Variants in ARHGAP26 observed in about 807,000 individuals in gnomAD.
ARHGAP26 encodes the protein rho GTPase-activating protein 26.
A neutral mutation model predicts 104.8 loss-of-function variants in ARHGAP26; 38 were observed. That is an observed-to-expected ratio of 0.36 (90% confidence interval 0.28 to 0.48). The LOEUF (loss-of-function observed/expected upper bound fraction) is 0.48, where lower values mean the gene tolerates loss of function less well. Among genes scored for constraint, ARHGAP26 ranks in the 20% least tolerant of loss-of-function variants. The pLI, the probability that ARHGAP26 is intolerant of heterozygous loss-of-function variation, is 0.99. For missense variants in ARHGAP26, 704 were observed against 947.9 expected, an observed-to-expected ratio of 0.74 and a Z score of 3.38; for synonymous variants, 341 against 340.0, an observed-to-expected ratio of 1.00 and a Z score of -0.03.
At chr5:143,207,847 G>A (rs1337904013) in intron 21 of ARHGAP26, among the ~76,000 whole-genome samples, 1 of 152,242 alleles carries the variant, frequency 6.6e-6, no homozygotes, top group Non-Finnish European at 1.5e-5. Context: ...TTATTTGTGG[G>A]GTTGGGCCCC....
chr5:142,845,286 C>A (rs982391315), intron 1 of ARHGAP26, among the ~76,000 whole-genome samples: 1 of 152,130 alleles, frequency 6.6e-6, no homozygotes, highest in Non-Finnish European at 1.5e-5. Flanking sequence ...GGTTTGCATT[C>A]ATTATTTCTC....
intron 11 of ARHGAP26, among the ~76,000 whole-genome samples, chr5:142,977,597 C>CTG (rs202112689): frequency 0.011 from 1,723 of 152,246 alleles, 33 homozygotes; most frequent in African/African-American, 0.04. Context: ...GCGTTGAACT[C>CTG]AGCAGTTTCC....
intron 20 of ARHGAP26, chr5:143,172,926 TA>T (rs1486003090): frequency 8.4e-5 from 15 of 177,860 alleles, no homozygotes; most frequent in African/African-American, 3.3e-4. Context: ...GATCATGTTT[TA>T]TTGAGGCTGA....
In ARHGAP26 at chr5:143,056,399, T is replaced by C. The variant is rs1431580909; in HGVS notation, c.1432+313T>C. ...ACAAGTTTGCCTTTCTAGTTTTGAT[T>C]ATTGGAGTTCTAACTTCTTAGGTTT... On this transcript the variant is annotated intron_variant, in intron 16 of 22. Transcript: ENST00000645722. Among the ~76,000 whole-genome samples the C allele has an allele frequency of 6.6e-5, 10 of 151,348 alleles. No homozygotes were observed. The East Asian group carries it at 1.9e-3, about 29-fold the overall frequency.
In ARHGAP26 at chr5:143,228,239, GTGTGTGTGTA is replaced by G. The variant is rs1213967307; in HGVS notation, c.*5805_*5814del. The G allele has an allele frequency of 1.8e-5, 4 of 223,080 alleles. No homozygotes were observed. In the South Asian group the frequency reaches 5.5e-4, roughly 31 times the overall value. The allele number at this position is 223,080 out of a possible 1,614,324, so 13.8% of individuals were successfully genotyped here. Reference sequence around the variant, plus strand: ...TCTGTTGATTCTAAAGTATATTTATGTGTGTGTGTATGTGTGTGTATACAGCACATATTTA... The same window carrying G: ...TCTGTTGATTCTAAAGTATATTTATGTGTGTGTGTATACAGCACATATTTA... On this transcript the variant is annotated 3_prime_UTR_variant, in exon 23 of 23. Coordinates refer to ENST00000645722, the MANE Select transcript of ARHGAP26 (RefSeq NM_001135608.3).
intron 17 of ARHGAP26, among the ~76,000 whole-genome samples, chr5:143,083,852 C>CA (rs1458117013): frequency 6.6e-6 from 1 of 152,220 alleles, no homozygotes; most frequent in Non-Finnish European, 1.5e-5. Flanking sequence ...TCTTATATCT[C>CA]AGACTTATCC....
intron 11 of ARHGAP26, among the ~76,000 whole-genome samples, chr5:143,007,482 G>T (rs1360993153): frequency 1.3e-5 from 2 of 152,152 alleles, no homozygotes; most frequent in Non-Finnish European, 2.9e-5. Context: ...TGGTTGCATT[G>T]TTGCCATTTT....
intron 11 of ARHGAP26, among the ~76,000 whole-genome samples, chr5:142,951,906 T>C (rs2152612692): frequency 6.6e-6 from 1 of 152,362 alleles, no homozygotes; most frequent in South Asian, 2.1e-4. Context: ...CTCTCAGTAT[T>C]GGAGGCCAGA....
At chr5:142,829,865 A>G (rs1055121712) in intron 1 of ARHGAP26, among the ~76,000 whole-genome samples, 1 of 152,176 alleles carries the variant, frequency 6.6e-6, no homozygotes, top group Non-Finnish European at 1.5e-5. Flanking sequence ...GCAGGGGATG[A>G]GCTGATTCAG....
At chr5:142,849,621 C>T (rs1374841794) in intron 1 of ARHGAP26, among the ~76,000 whole-genome samples, 1 of 152,162 alleles carries the variant, frequency 6.6e-6, no homozygotes, top group East Asian at 1.9e-4. Flanking sequence ...AGGTCTGCCT[C>T]TCTTTGTCAC....
At chr5:142,876,616 A>C (rs1756133569) in intron 3 of ARHGAP26, among the ~76,000 whole-genome samples, 1 of 151,212 alleles carries the variant, frequency 6.6e-6, no homozygotes, top group Admixed American at 6.6e-5. Context: ...CATCTCAACA[A>C]ATTTTTTTTT....
intron 1 of ARHGAP26, among the ~76,000 whole-genome samples, chr5:142,859,086 A>G (rs1752886137): frequency 6.6e-6 from 1 of 152,138 alleles, no homozygotes; most frequent in African/African-American, 2.4e-5. Flanking sequence ...TGGGGTGGGA[A>G]GAGTTATAAT....
At chr5:143,191,554 G>A (rs953748249) in intron 20 of ARHGAP26, among the ~76,000 whole-genome samples, 3 of 152,118 alleles carry the variant, frequency 2.0e-5, no homozygotes, top group African/African-American at 7.2e-5. Flanking sequence ...ATAATAATGA[G>A]ATATTATTTG....
chr5:142,770,796 G>T lies in ARHGAP26; in HGVS notation c.35G>T (p.Cys12Phe), dbSNP rs1433108180. Reference protein sequence around the residue: ...GLPALEFSDCCLDSPHFRETL... With the variant: ...GLPALEFSDCFLDSPHFRETL... ...CCAGCGCTCGAGTTCAGCGACTGCT[G>T]CCTCGATAGTCCGCACTTCCGAGAG... Residue 12 changes from cysteine (C) to phenylalanine (F), a missense_variant, in exon 1 of 23, where the codon TGC (cysteine) becomes TTC (phenylalanine). Coordinates refer to ENST00000645722, the MANE Select transcript of ARHGAP26 (RefSeq NM_001135608.3). 1.3e-6 allele frequency: 2 copies of T among 1,595,322 alleles called. No individual in the cohort carries two copies. Among genetic ancestry groups the T allele is most frequent in the Non-Finnish European group, 1.7e-6 (2 of 1,170,802 alleles).
chr5:142,855,893 G>T (rs1222404077), intron 1 of ARHGAP26, among the ~76,000 whole-genome samples: 1 of 152,170 alleles, frequency 6.6e-6, no homozygotes, highest in East Asian at 1.9e-4. Flanking sequence ...TACCAGGAAT[G>T]TAGGTCCACA....
chr5:142,785,788 C>T (rs1758458124), intron 1 of ARHGAP26, among the ~76,000 whole-genome samples: 1 of 152,146 alleles, frequency 6.6e-6, no homozygotes, highest in Non-Finnish European at 1.5e-5. Context: ...CTAGGAAATT[C>T]CAGTCCAAAT....
intron 11 of ARHGAP26, among the ~76,000 whole-genome samples, chr5:142,958,736 AG>A (rs1259359376): frequency 2.6e-5 from 4 of 152,038 alleles, no homozygotes; most frequent in Non-Finnish European, 5.9e-5. Context: ...CTTGAGATAC[AG>A]GTATGCTAAT....
chr5:142,824,130 TTGTG>T (rs1404729409), intron 1 of ARHGAP26, among the ~76,000 whole-genome samples: 1 of 152,100 alleles, frequency 6.6e-6, no homozygotes, highest in East Asian at 1.9e-4. Context: ...TTTCAGTATG[TTGTG>T]TGTATGTGTG....
chr5:143,094,457 G>T (rs1238341648), intron 17 of ARHGAP26, among the ~76,000 whole-genome samples: 1 of 152,200 alleles, frequency 6.6e-6, no homozygotes, highest in African/African-American at 2.4e-5. Context: ...TCACGAAAGA[G>T]AACCAGAGAC....
Sources: gnomAD v4.1 joint callset for allele counts (sites outside exome capture counted in the v4.1 genomes callset) on GRCh38, gnomAD v4.1.1 for gene constraint, MANE v1.5 for transcripts, NCBI Gene and HGNC (gene_info 2026-07-23, HGNC 2026-07-21) for gene names.